Variants in UBAC2 observed in about 807,000 individuals in gnomAD.
The protein encoded by UBAC2 is UBA domain containing 2.
A neutral mutation model predicts 44.0 loss-of-function variants in UBAC2; 26 were observed. That is an observed-to-expected ratio of 0.59 (90% CI 0.43 to 0.82). The LOEUF (loss-of-function observed/expected upper bound fraction) is 0.82, where lower values mean the gene tolerates loss of function less well. UBAC2 is among the 40% of genes least tolerant of loss of function. The pLI is 0.00. For synonymous variants in UBAC2, 155 were observed against 154.3 expected (o/e 1.00, Z -0.04); for missense variants, 329 against 419.4 (o/e 0.78, Z 1.88).
chr13:99,292,962 C>T (rs956988235), intron 4 of UBAC2, among the ~76,000 whole-genome samples: 14 of 152,080 alleles, frequency 9.2e-5, no homozygotes, highest in African/African-American at 2.4e-4. Flanking sequence ...GAGAATGCCC[C>T]GGAAATAAAT....
intron 1 of UBAC2, among the ~76,000 whole-genome samples, chr13:99,204,595 C>T (rs936029220): frequency 6.6e-6 from 1 of 152,106 alleles, no homozygotes; most frequent in Non-Finnish European, 1.5e-5. Flanking sequence ...AGTAGGGGGA[C>T]ACCCGGGAGG....
chr13:99,294,058 A>G (rs2044130720), intron 4 of UBAC2, among the ~76,000 whole-genome samples: 1 of 152,190 alleles, frequency 6.6e-6, no homozygotes, highest in Admixed American at 6.5e-5. Flanking sequence ...CAGCAAGTAT[A>G]TAATATTGTA....
At chr13:99,214,543 C>T (rs903399167) in intron 1 of UBAC2, among the ~76,000 whole-genome samples, 2 of 152,050 alleles carry the variant, frequency 1.3e-5, no homozygotes, top group African/African-American at 4.8e-5. Context: ...CCCCTGCAGT[C>T]GTCAAAGGGT....
At chr13:99,229,207 A>G (rs890076054) in intron 1 of UBAC2, among the ~76,000 whole-genome samples, 5 of 152,216 alleles carry the variant, frequency 3.3e-5, no homozygotes, top group African/African-American at 1.2e-4. Context: ...TGTGGGAACG[A>G]GGGTGCAGAG....
At chr13:99,380,287 C>T (rs970501109) in intron 8 of UBAC2, among the ~76,000 whole-genome samples, 1 of 152,172 alleles carries the variant, frequency 6.6e-6, no homozygotes, top group African/African-American at 2.4e-5. Flanking sequence ...TTTCGTCTTT[C>T]TGTAATTTGA....
At chr13:99,226,359 A>G (rs1214198036) in intron 1 of UBAC2, among the ~76,000 whole-genome samples, 1 of 152,174 alleles carries the variant, frequency 6.6e-6, no homozygotes, top group Non-Finnish European at 1.5e-5. Flanking sequence ...GTTAGTCAGC[A>G]TATCCTGCCT....
At chr13:99,288,184 G>C (rs1468811246) in intron 4 of UBAC2, among the ~76,000 whole-genome samples, 3 of 152,100 alleles carry the variant, frequency 2.0e-5, no homozygotes, top group African/African-American at 4.8e-5. Context: ...AAATCTGCCT[G>C]GGAAAAGTCA....
At position 99,204,677 on chromosome 13, in the gene UBAC2, A is replaced by G. The variant is rs190998391; in HGVS notation, c.31+3738A>G. On this transcript the variant is annotated intron_variant, in intron 1 of 8. Coordinates refer to ENST00000403766, the MANE Select transcript of UBAC2 (RefSeq NM_001144072.2). ...ATTTTCAAAACGGGCCTGAAGCGCG[A>G]CCTGTGGGAAAGAAAGAGGCCCCCC... Among the ~76,000 whole-genome samples, 1,505 of 152,168 alleles carry G rather than the reference A, an allele frequency of 9.9e-3. 29 individuals are homozygous for G. The highest frequency in any genetic ancestry group is 0.035 in the African/African-American group (1,457 of 41,490).
chr13:99,217,048 C>T (rs1418972809), intron 1 of UBAC2, among the ~76,000 whole-genome samples: 2 of 152,164 alleles, frequency 1.3e-5, no homozygotes, highest in Non-Finnish European at 2.9e-5. Context: ...CCAGGCTGGT[C>T]TCGAACACCT....
chr13:99,242,876 C>T (rs1168851206), intron 2 of UBAC2, among the ~76,000 whole-genome samples: 17 of 142,172 alleles, frequency 1.2e-4, no homozygotes, highest in South Asian at 2.3e-4. Flanking sequence ...CCAGACGGGG[C>T]GGCGGGGCAG....
At chr13:99,247,307 C>T (rs1162322313) in intron 4 of UBAC2, among the ~76,000 whole-genome samples, 2 of 151,740 alleles carry the variant, frequency 1.3e-5, no homozygotes, top group African/African-American at 2.4e-5. Context: ...CTCCGCCTCC[C>T]CGGTTCACGC....
intron 7 of UBAC2, among the ~76,000 whole-genome samples, chr13:99,363,233 T>G (rs2045288902): frequency 6.6e-6 from 1 of 152,192 alleles, no homozygotes; most frequent in Admixed American, 6.5e-5. Context: ...ATGACTTTAA[T>G]TACTGCAGTC....
At chr13:99,358,685 A>G (rs1594167782) in intron 7 of UBAC2, among the ~76,000 whole-genome samples, 1 of 152,270 alleles carries the variant, frequency 6.6e-6, no homozygotes, top group East Asian at 1.9e-4. Context: ...CACCCCGGCC[A>G]TGGACTGTGG....
intron 4 of UBAC2, chr13:99,255,824 G>A (rs1346872666): frequency 6.2e-7 from 1 of 1,606,316 alleles, no homozygotes; most frequent in South Asian, 1.1e-5. Flanking sequence ...TCATCTGGAT[G>A]TGAGCTGTTA....
intron 1 of UBAC2, among the ~76,000 whole-genome samples, chr13:99,213,486 G>T (rs935906931): frequency 6.6e-6 from 1 of 151,316 alleles, no homozygotes; most frequent in Non-Finnish European, 1.5e-5. Context: ...TCAGCCTCCC[G>T]AGTAGTTGGG....
At chr13:99,204,791 A>G (rs1268137237) in intron 1 of UBAC2, among the ~76,000 whole-genome samples, 1 of 152,112 alleles carries the variant, frequency 6.6e-6, no homozygotes, top group Non-Finnish European at 1.5e-5. Context: ...TGAGTGGGAC[A>G]TAAATGGAGA....
At chr13:99,348,963 C>G (rs1056479245) in intron 7 of UBAC2, among the ~76,000 whole-genome samples, 5 of 151,774 alleles carry the variant, frequency 3.3e-5, no homozygotes. Context: ...AATCACGGCT[C>G]AAAAAGAAAA....
chr13:99,201,986 TG>T (rs1418733154), intron 1 of UBAC2, among the ~76,000 whole-genome samples: 1 of 142,946 alleles, frequency 7.0e-6, no homozygotes, highest in Non-Finnish European at 1.5e-5. Flanking sequence ...GGCAGGAGAA[TG>T]GCGTGAACCC....
chr13:99,377,874 C>T (rs1472207606), intron 8 of UBAC2, among the ~76,000 whole-genome samples: 1 of 152,214 alleles, frequency 6.6e-6, no homozygotes, highest in Non-Finnish European at 1.5e-5. Context: ...GAGTCAGAGC[C>T]TGGTCCCCTG....
Sources: allele counts gnomAD v4.1 joint callset (sites outside exome capture counted in the v4.1 genomes callset), GRCh38; gene constraint gnomAD v4.1.1; transcripts MANE v1.5; gene names NCBI Gene and HGNC (gene_info 2026-07-23, HGNC 2026-07-21).